NEDD4L: variants seen among roughly 807,000 people sequenced by gnomAD.
NEDD4L encodes the protein NEDD4 like E3 ubiquitin protein ligase.
NEDD4L carries 54 observed loss-of-function variants against 148.9 expected under a neutral mutation model. The ratio of observed to expected loss-of-function variants is 0.36; its 90% CI spans 0.29 to 0.45. The LOEUF (loss-of-function observed/expected upper bound fraction) is 0.45, where lower values mean the gene tolerates loss of function less well. Among genes scored for constraint, NEDD4L ranks in the 20% least tolerant of loss-of-function variants. NEDD4L has a pLI of 1.00. For synonymous variants in NEDD4L, 433 were observed against 440.7 expected, an observed-to-expected ratio of 0.98 and a Z score of 0.22; for missense variants, 856 against 1,233.8, an observed-to-expected ratio of 0.69 and a Z score of 4.59.
intron 1 of NEDD4L, among the ~76,000 whole-genome samples, chr18:58,094,004 C>T (rs2084226972): frequency 6.6e-6 from 1 of 152,036 alleles, no homozygotes; most frequent in African/African-American, 2.4e-5. Context: ...CCTTTCTTTC[C>T]TCATTACACT....
chr18:58,239,661 C>T (rs1188650335), intron 2 of NEDD4L, among the ~76,000 whole-genome samples: 1 of 152,240 alleles, frequency 6.6e-6, no homozygotes, highest in Non-Finnish European at 1.5e-5. Flanking sequence ...GTCAGGACGA[C>T]TGTCCCTGTG....
chr18:58,132,324 A>C (rs924732250), intron 1 of NEDD4L, among the ~76,000 whole-genome samples: 2 of 152,150 alleles, frequency 1.3e-5, no homozygotes, highest in African/African-American at 4.8e-5. Flanking sequence ...GGATTAATTA[A>C]ATGTGGGGCT....
chr18:58,337,104 A>T (rs2041874165), intron 13 of NEDD4L, among the ~76,000 whole-genome samples: 1 of 152,164 alleles, frequency 6.6e-6, no homozygotes, highest in Admixed American at 6.5e-5. Context: ...TGGCAGGACA[A>T]GGTGACCCCT....
chr18:58,114,905 C>A (rs1274066287), intron 1 of NEDD4L, among the ~76,000 whole-genome samples: 1 of 152,240 alleles, frequency 6.6e-6, no homozygotes, highest in Admixed American at 6.5e-5. Context: ...CCTTCTGCCT[C>A]CCTTTGCACT....
rs2050592401 is a variant in NEDD4L, at chr18:58,397,840, C to G, written c.*1571C>G. 1 of 152,524 alleles carries G rather than the reference C, an allele frequency of 6.6e-6. No homozygotes were observed. The highest frequency in any genetic ancestry group is 1.5e-5 in the Non-Finnish European group (1 of 68,026). 9.4% of individuals were successfully genotyped at this position (152,524 alleles called of 1,614,324 possible). On this transcript the variant is annotated 3_prime_UTR_variant, in exon 31 of 31. Coordinates refer to ENST00000400345, the MANE Select transcript of NEDD4L (RefSeq NM_001144967.3). ...CTTTTTAACCTGTGTTGTCCTAGAC[C>G]CTGTCGGGGCAGTCAGGGGACACTA...
chr18:58,215,817 T>G (rs2043104037), intron 2 of NEDD4L, among the ~76,000 whole-genome samples: 1 of 152,344 alleles, frequency 6.6e-6, no homozygotes, highest in African/African-American at 2.4e-5. Context: ...TGTATATTTA[T>G]ACTTCGCATC....
At chr18:58,169,936 A>G (rs1406955348) in intron 2 of NEDD4L, among the ~76,000 whole-genome samples, 1 of 152,110 alleles carries the variant, frequency 6.6e-6, no homozygotes, top group Non-Finnish European at 1.5e-5. Context: ...TTATGCTTAG[A>G]ATTGTTTCTT....
intron 2 of NEDD4L, among the ~76,000 whole-genome samples, chr18:58,178,856 T>C (rs910268727): frequency 2.0e-5 from 3 of 152,244 alleles, no homozygotes; most frequent in Non-Finnish European, 4.4e-5. Flanking sequence ...CTGTGACTTT[T>C]AGATGCTTAA....
At chr18:58,333,733 G>T in intron 11 of NEDD4L, 85 bp from the exon 12 acceptor site, 1 of 893,782 alleles carries the variant, frequency 1.1e-6, no homozygotes. Context: ...GGTGAATATG[G>T]TTGAGTGATA....
chr18:58,323,418 A>G, intron 8 of NEDD4L, 84 bp downstream of exon 8: 1 of 763,788 alleles, frequency 1.3e-6, no homozygotes, highest in Non-Finnish European at 2.2e-6. Context: ...GAAGGAAATA[A>G]AAGTTTAGAA....
chr18:58,094,503 CT>C (rs11365674), intron 1 of NEDD4L, among the ~76,000 whole-genome samples: 33,773 of 152,008 alleles, frequency 0.22, 4,882 homozygotes, highest in African/African-American at 0.4. Flanking sequence ...GCACCCTTAC[CT>C]TTTCGCCGCC....
intron 18 of NEDD4L, 31 bp downstream of exon 18, chr18:58,351,076 G>T: frequency 6.4e-7 from 1 of 1,567,350 alleles, no homozygotes; most frequent in East Asian, 2.3e-5. Flanking sequence ...ACACACAGGT[G>T]TTGTGGGTTA....
intron 1 of NEDD4L, among the ~76,000 whole-genome samples, chr18:58,142,650 C>T (rs980731423): frequency 2.0e-5 from 3 of 152,190 alleles, no homozygotes; most frequent in Admixed American, 6.5e-5. Flanking sequence ...ATATATTTCT[C>T]ATTACTGGCT....
At chr18:58,233,733 A>G (rs184583171) in intron 2 of NEDD4L, among the ~76,000 whole-genome samples, 308 of 152,336 alleles carry the variant, frequency 2.0e-3, no homozygotes, top group Non-Finnish European at 1.8e-3. Flanking sequence ...GCAAAGCACT[A>G]TGAACTAGGT....
At chr18:58,242,743 C>T (rs1423465269) in intron 2 of NEDD4L, among the ~76,000 whole-genome samples, 1 of 152,094 alleles carries the variant, frequency 6.6e-6, no homozygotes, top group Non-Finnish European at 1.5e-5. Flanking sequence ...CGGGCTCAAG[C>T]GATCTGCCTG....
chr18:58,336,521 G>A (rs992950052), intron 13 of NEDD4L, among the ~76,000 whole-genome samples: 1 of 151,740 alleles, frequency 6.6e-6, no homozygotes, highest in Non-Finnish European at 1.5e-5. Context: ...AGGTTGTGGT[G>A]AGCTGAGATC....
At chr18:58,393,878 A>G (rs549735674) in intron 30 of NEDD4L, among the ~76,000 whole-genome samples, 1 of 152,188 alleles carries the variant, frequency 6.6e-6, no homozygotes, top group Non-Finnish European at 1.5e-5. Flanking sequence ...AAGCTTTCCA[A>G]TGGTGATTAT....
intron 13 of NEDD4L, among the ~76,000 whole-genome samples, chr18:58,337,367 G>A (rs897863345): frequency 3.3e-5 from 5 of 152,108 alleles, no homozygotes; most frequent in Non-Finnish European, 7.4e-5. Context: ...CCTTTGTCGT[G>A]AATGCCCTTG....
At chr18:58,341,428 C>G (rs1452837017) in intron 14 of NEDD4L, among the ~76,000 whole-genome samples, 1 of 152,194 alleles carries the variant, frequency 6.6e-6, no homozygotes, top group Non-Finnish European at 1.5e-5. Context: ...CAGTGTGTAG[C>G]TTCTTCCCTG....
Sources: allele counts gnomAD v4.1 joint callset (sites outside exome capture counted in the v4.1 genomes callset), GRCh38; gene constraint gnomAD v4.1.1; transcripts MANE v1.5; gene names NCBI Gene and HGNC (gene_info 2026-07-23, HGNC 2026-07-21).